SLC39A11: variants seen among roughly 807,000 people sequenced by gnomAD.
SLC39A11 encodes the protein solute carrier family 39 member 11, also known as zinc transporter ZIP11.
Under a neutral mutation model 36.1 loss-of-function variants are expected in SLC39A11, and 33 were observed. The observed-to-expected ratio is 0.91, with a 90% CI of 0.69 to 1.22. The LOEUF (loss-of-function observed/expected upper bound fraction) is 1.22. Ranked by LOEUF, SLC39A11 falls within the 50% of genes most tolerant of loss-of-function variation. The pLI, the probability that SLC39A11 is intolerant of heterozygous loss-of-function variation, is 0.00. For synonymous variants in SLC39A11, 166 were observed against 170.3 expected (o/e 0.97, Z 0.20); for missense variants, 432 against 430.3 (o/e 1.00, Z -0.03).
At chr17:72,959,006 A>T (rs2086425994) in intron 4 of SLC39A11, among the ~76,000 whole-genome samples, 1 of 152,134 alleles carries the variant, frequency 6.6e-6, no homozygotes, top group Non-Finnish European at 1.5e-5. Flanking sequence ...AATAAAAAAA[A>T]TTTTGAAAAG....
At chr17:72,959,323 GTGTATA>G (rs1194560577) in intron 4 of SLC39A11, among the ~76,000 whole-genome samples, 1,899 of 81,182 alleles carry the variant, frequency 0.023, 17 homozygotes, top group Middle Eastern at 0.068. Context: ...GTGTGTGTGT[GTGTATA>G]TATATATATA....
intron 6 of SLC39A11, among the ~76,000 whole-genome samples, chr17:72,800,375 A>C (rs1325734705): frequency 6.8e-6 from 1 of 146,434 alleles, no homozygotes. Flanking sequence ...CAGTGGTGCA[A>C]TCTCAGCTCA....
chr17:72,825,439 T>C (rs765010470), intron 6 of SLC39A11, among the ~76,000 whole-genome samples: 6 of 152,186 alleles, frequency 3.9e-5, no homozygotes, highest in Non-Finnish European at 7.3e-5. Flanking sequence ...GGAGCCCTCA[T>C]GGAGAACCTC....
At chr17:73,081,120 G>T (rs1599194174) in intron 3 of SLC39A11, among the ~76,000 whole-genome samples, 1 of 151,734 alleles carries the variant, frequency 6.6e-6, no homozygotes, top group South Asian at 2.1e-4. Flanking sequence ...AAACAAATCA[G>T]CAAGAAAAAA....
At chr17:73,014,743 G>T (rs1289546363) in intron 4 of SLC39A11, among the ~76,000 whole-genome samples, 1 of 152,192 alleles carries the variant, frequency 6.6e-6, no homozygotes, top group Non-Finnish European at 1.5e-5. Context: ...TGAGGCCCTT[G>T]TTCTCTTCGC....
chr17:73,082,466 TTTGA>T (rs1282024324), intron 3 of SLC39A11, among the ~76,000 whole-genome samples: 1 of 149,992 alleles, frequency 6.7e-6, no homozygotes, highest in East Asian at 1.9e-4. Context: ...TTTATTTTTA[TTTGA>T]TTTTTTTCTT....
intron 3 of SLC39A11, among the ~76,000 whole-genome samples, chr17:73,082,657 C>T (rs1203766153): frequency 6.6e-6 from 1 of 152,018 alleles, no homozygotes; most frequent in African/African-American, 2.4e-5. Flanking sequence ...TTTCAAGGAC[C>T]TCTCTGTTGA....
intron 5 of SLC39A11, among the ~76,000 whole-genome samples, chr17:72,910,537 T>A (rs776134430): frequency 6.8e-6 from 1 of 147,872 alleles, no homozygotes; most frequent in Non-Finnish European, 1.5e-5. Context: ...GGTGCGAGAA[T>A]CGCTTGAACC....
chr17:72,832,317 C>T (rs1342186831), intron 6 of SLC39A11, among the ~76,000 whole-genome samples: 1 of 152,100 alleles, frequency 6.6e-6, no homozygotes, highest in Non-Finnish European at 1.5e-5. Context: ...CGTCACGAGC[C>T]CCCTAGGGGC....
intron 4 of SLC39A11, among the ~76,000 whole-genome samples, chr17:73,017,107 G>A (rs897508202): frequency 6.6e-6 from 1 of 152,168 alleles, no homozygotes; most frequent in Non-Finnish European, 1.5e-5. Context: ...AGGCAAAGTG[G>A]ATTGGAGGGC....
intron 3 of SLC39A11, among the ~76,000 whole-genome samples, chr17:73,077,103 T>A (rs1302364549): frequency 6.6e-6 from 1 of 152,140 alleles, no homozygotes; most frequent in Non-Finnish European, 1.5e-5. Flanking sequence ...ATTTATTCCA[T>A]GATATAAGCA....
At chr17:72,759,023 C>T (rs780648340) in intron 6 of SLC39A11, among the ~76,000 whole-genome samples, 6 of 152,032 alleles carry the variant, frequency 3.9e-5, no homozygotes, top group Admixed American at 6.6e-5. Context: ...ATCTCTTGAA[C>T]CCGGGAGGCG....
chr17:72,865,428 C>T (rs998071202), intron 5 of SLC39A11, among the ~76,000 whole-genome samples: 1 of 82,618 alleles, frequency 1.2e-5, no homozygotes, highest in Non-Finnish European at 2.5e-5. Flanking sequence ...AAAAAAAAAA[C>T]AACTTTGGGC....
intron 4 of SLC39A11, among the ~76,000 whole-genome samples, chr17:72,993,598 C>T (rs530152145): frequency 1.5e-4 from 23 of 152,290 alleles, no homozygotes; most frequent in African/African-American, 5.5e-4. Flanking sequence ...ATCCTTTTCC[C>T]ACTGAATTAT....
intron 7 of SLC39A11, among the ~76,000 whole-genome samples, chr17:72,683,135 A>C (rs1024025735): frequency 2.6e-5 from 4 of 152,178 alleles, no homozygotes; most frequent in African/African-American, 9.7e-5. Flanking sequence ...CCTACATTCT[A>C]ATTTACTACA....
intron 6 of SLC39A11, among the ~76,000 whole-genome samples, chr17:72,754,043 TATACACATACACACAC>T (rs1486509534): frequency 2.1e-4 from 10 of 47,722 alleles, no homozygotes; most frequent in African/African-American, 5.6e-4. Context: ...TATATATATA[TATACACATACACACAC>T]ACACACACAC....
At chr17:73,028,655 T>C (rs2058639448) in intron 4 of SLC39A11, among the ~76,000 whole-genome samples, 1 of 152,132 alleles carries the variant, frequency 6.6e-6, no homozygotes, top group Non-Finnish European at 1.5e-5. Flanking sequence ...GTTCTGGGCA[T>C]TTGTGGTGAT....
intron 5 of SLC39A11, among the ~76,000 whole-genome samples, chr17:72,887,554 G>A (rs534754306): frequency 2.2e-4 from 34 of 152,302 alleles, no homozygotes; most frequent in Middle Eastern, 3.4e-3. Context: ...ACAGTTTCCC[G>A]TCTTCCGTCA....
intron 7 of SLC39A11, among the ~76,000 whole-genome samples, chr17:72,729,432 TATATATATATATATATATATATATA>T (rs1239415764): frequency 0.071 from 243 of 3,406 alleles, 7 homozygotes; most frequent in Non-Finnish European, 0.084. Context: ...TATATATATA[TATATATATATATATATATATATATA>T]TTTTTTTTTT....
Sources: gnomAD v4.1 joint callset for allele counts (sites outside exome capture counted in the v4.1 genomes callset) on GRCh38, gnomAD v4.1.1 for gene constraint, MANE v1.5 for transcripts, NCBI Gene and HGNC (gene_info 2026-07-23, HGNC 2026-07-21) for gene names.